CACNG2: variants seen among roughly 807,000 people sequenced by gnomAD.
The protein encoded by CACNG2 is calcium voltage-gated channel auxiliary subunit gamma 2.
In CACNG2, 3 loss-of-function variants were observed where a neutral mutation model predicts 25.9. That is an observed-to-expected ratio of 0.12 (90% CI 0.05 to 0.30). The LOEUF is 0.30. Ranked by LOEUF, CACNG2 falls within the 10% of genes least tolerant of loss-of-function variation. CACNG2 has a pLI of 1.00. For missense variants in CACNG2, 341 were observed against 432.5 expected (o/e 0.79, Z 1.88); for synonymous variants, 167 against 173.3 (o/e 0.96, Z 0.29).
intron 1 of CACNG2, among the ~76,000 whole-genome samples, chr22:36,659,841 C>A (rs1264312975): frequency 6.6e-6 from 1 of 152,244 alleles, no homozygotes; most frequent in South Asian, 2.1e-4. Flanking sequence ...AGCCTGCCAC[C>A]CCCGAGAGGA....
At chr22:36,573,931 G>A (rs1935272709) in intron 2 of CACNG2, among the ~76,000 whole-genome samples, 1 of 152,086 alleles carries the variant, frequency 6.6e-6, no homozygotes, top group Admixed American at 6.6e-5. Flanking sequence ...AGCAGCAGGA[G>A]CCGAAGGTGG....
intron 1 of CACNG2, among the ~76,000 whole-genome samples, chr22:36,590,302 T>C (rs1343212156): frequency 1.3e-5 from 2 of 152,202 alleles, no homozygotes; most frequent in African/African-American, 2.4e-5. Context: ...AGACCTCTCC[T>C]TGAGGCCTGG....
Position 36,587,511 on chromosome 22 carries a change from G to A in CACNG2, c.249C>T (p.Phe83=), listed in dbSNP as rs1935523849. The A allele has an allele frequency of 4.3e-6, 7 of 1,613,754 alleles. No individual in the cohort carries two copies. The highest frequency in any genetic ancestry group is 5.1e-6 in the Non-Finnish European group (6 of 1,179,622). ...CAGCTTCGTAATCTGCATCCTCTGG[G>A]AAGTGATCAATTTGCTTGCACAGAC... ...FKGLCKQIDH[F]PEDADYEADT... is the part of the protein sequence containing the mutation. The change falls in exon 2 of 4, where the codon TTC becomes TTT. Residue 83 remains phenylalanine, a synonymous_variant. Transcript: ENST00000300105.
chr22:36,606,721 T>C lies in CACNG2; in HGVS notation c.212-19173A>G, dbSNP rs1469571449. On this transcript the variant is annotated intron_variant, in intron 1 of 3. Coordinates refer to ENST00000300105, the MANE Select transcript of CACNG2 (RefSeq NM_006078.5). This position sits in a 1 kb window ranked among gnomAD's most constrained non-coding sequence, Gnocchi z 5.7. ...GGACAGGATGCTGAAGCCAGAAGTG[T>C]CATTTAGAGGACGGAAACCAGACGG... 6.6e-6 allele frequency among the ~76,000 whole-genome samples: 1 copy of C among 151,878 alleles called. No homozygotes were observed. The highest frequency in any genetic ancestry group is 1.5e-5 in the Non-Finnish European group (1 of 67,964).
intron 1 of CACNG2, among the ~76,000 whole-genome samples, chr22:36,655,731 T>C (rs1270791371): frequency 0.022 from 3,291 of 147,938 alleles, 126 homozygotes; most frequent in African/African-American, 0.082. Flanking sequence ...TTCTTTTCTT[T>C]CTTTCTCTTC....
intron 1 of CACNG2, among the ~76,000 whole-genome samples, chr22:36,646,436 C>T (rs1173243361): frequency 4.6e-5 from 7 of 152,172 alleles, no homozygotes. Flanking sequence ...GCTATCGTTG[C>T]TCCTATCAGC....
At chr22:36,576,303 A>T (rs1185748561) in intron 2 of CACNG2, among the ~76,000 whole-genome samples, 1 of 152,134 alleles carries the variant, frequency 6.6e-6, no homozygotes, top group Admixed American at 6.6e-5. Flanking sequence ...ATATGTTCTC[A>T]CTCATAAGTG....
At position 36,702,666 on chromosome 22, in the gene CACNG2, A is replaced by G. The variant is rs1937425791; in HGVS notation, c.-90T>C. The G allele has an allele frequency of 1.1e-6, 1 of 886,794 alleles. No homozygotes were observed. The highest frequency in any genetic ancestry group is 2.0e-5 in the Admixed American group (1 of 50,788). The allele number at this position is 886,794 out of a possible 1,614,324, so 54.9% of individuals were successfully genotyped here. A position where few individuals can be genotyped will look rare whatever the true frequency, so the allele number is the denominator to read the frequency against. On this transcript the variant is annotated 5_prime_UTR_variant, in exon 1 of 4. Coordinates refer to ENST00000300105, the MANE Select transcript of CACNG2 (RefSeq NM_006078.5). ...AGTACTAAAGCCAAAAAAAATAAATAAAAATAAAAATTATTCCACTACTAA... is the reference window on the plus strand; with the variant it reads ...AGTACTAAAGCCAAAAAAAATAAATGAAAATAAAAATTATTCCACTACTAA...
At chr22:36,615,907 T>C (rs920662000) in intron 1 of CACNG2, among the ~76,000 whole-genome samples, 2 of 152,276 alleles carry the variant, frequency 1.3e-5, no homozygotes, top group African/African-American at 4.8e-5. Flanking sequence ...TGTCAAGGTA[T>C]GAAAGTGTGT....
chr22:36,568,048 C>T (rs1446750523), intron 2 of CACNG2, among the ~76,000 whole-genome samples: 1 of 152,106 alleles, frequency 6.6e-6, no homozygotes, highest in East Asian at 1.9e-4. Context: ...TGGGGTTTCA[C>T]TATGTTGGCC....
At position 36,561,603 on chromosome 22, in the gene CACNG2, C is replaced by G. The variant is rs1935029824; in HGVS notation, c.*2748G>C. The stretch of plus-strand genomic sequence containing the variant: ...CTCAAAAAGCCTTACTAGCCATTCT[C>G]TAGAACTCCCCAGAGAGCTCAACCT... On this transcript the variant is annotated 3_prime_UTR_variant, in exon 4 of 4. Transcript: ENST00000300105. 1 of 152,256 alleles carries G rather than the reference C, an allele frequency of 6.6e-6. No individual in the cohort carries two copies. The allele number at this position is 152,256 out of a possible 1,614,324, so 9.4% of individuals were successfully genotyped here. A position where few individuals can be genotyped will look rare whatever the true frequency, so the allele number is the denominator to read the frequency against.
intron 1 of CACNG2, among the ~76,000 whole-genome samples, chr22:36,664,307 T>C (rs2284001): frequency 0.33 from 49,714 of 152,070 alleles, 8,412 homozygotes; most frequent in Middle Eastern, 0.43. Flanking sequence ...TCTCTCTGCC[T>C]ATTCATTCAT....
intron 1 of CACNG2, among the ~76,000 whole-genome samples, chr22:36,635,540 T>G (rs557515765): frequency 1.3e-5 from 2 of 152,098 alleles, no homozygotes; most frequent in African/African-American, 4.8e-5. Context: ...CTTAAGTAAA[T>G]TGTGGTACAT....
chr22:36,591,033 G>A (rs1447823811), intron 1 of CACNG2, among the ~76,000 whole-genome samples: 4 of 151,424 alleles, frequency 2.6e-5, no homozygotes, highest in Non-Finnish European at 5.9e-5. Flanking sequence ...CTATGTTGGG[G>A]GGAGATATAT....
intron 1 of CACNG2, among the ~76,000 whole-genome samples, chr22:36,673,646 C>A: frequency 6.6e-6 from 1 of 151,842 alleles, no homozygotes; most frequent in Admixed American, 6.6e-5. Context: ...CGATGGGAGG[C>A]TGCCCCTTCA....
intron 1 of CACNG2, among the ~76,000 whole-genome samples, chr22:36,648,799 C>T (rs893559794): frequency 6.6e-6 from 1 of 152,134 alleles, no homozygotes; most frequent in African/African-American, 2.4e-5. Flanking sequence ...CAATACCGAT[C>T]ATATCCCATC....
chr22:36,619,452 G>T (rs1055849596), intron 1 of CACNG2, among the ~76,000 whole-genome samples: 1 of 152,226 alleles, frequency 6.6e-6, no homozygotes, highest in South Asian at 2.1e-4. Flanking sequence ...GATTGAATGC[G>T]ATGGGTGATG....
chr22:36,683,012 T>C (rs1485427917), intron 1 of CACNG2, among the ~76,000 whole-genome samples: 2 of 152,180 alleles, frequency 1.3e-5, no homozygotes, highest in Non-Finnish European at 2.9e-5. Context: ...ATGCCTGCCA[T>C]CCCAAAGGGG....
intron 2 of CACNG2, among the ~76,000 whole-genome samples, chr22:36,576,647 G>A (rs1158212876): frequency 6.6e-6 from 1 of 151,944 alleles, no homozygotes; most frequent in African/African-American, 2.4e-5. Flanking sequence ...GAAGAAAGAG[G>A]AGAACAAAGA....
Sources: allele counts gnomAD v4.1 joint callset (sites outside exome capture counted in the v4.1 genomes callset), GRCh38; gene constraint gnomAD v4.1.1; non-coding constraint Gnocchi (gnomAD v3.1); transcripts MANE v1.5; gene names NCBI Gene and HGNC (gene_info 2026-07-23, HGNC 2026-07-21).